FHIP2B: variants seen among roughly 807,000 people sequenced by gnomAD.
FHIP2B encodes the protein FHF complex subunit HOOK interacting protein 2B, also known as FHF complex subunit HOOK-interacting protein 2B.
A neutral mutation model predicts 84.0 loss-of-function variants in FHIP2B; 72 were observed. That is an observed-to-expected ratio of 0.86 (90% CI 0.71 to 1.04). The LOEUF (loss-of-function observed/expected upper bound fraction) is 1.04. FHIP2B is among the 50% of genes least tolerant of loss of function. FHIP2B has a pLI of 0.00. For missense variants in FHIP2B, 972 were observed against 968.9 expected (o/e 1.00, Z -0.04); for synonymous variants, 497 against 418.7 (o/e 1.19, Z -2.28).
intron 3 of FHIP2B, chr8:22,097,156 G>T: frequency 3.0e-6 from 1 of 332,486 alleles, no homozygotes; most frequent in Non-Finnish European, 5.7e-6. Flanking sequence ...AAAAGGGGTT[G>T]TGAGTGCCAG....
chr8:22,098,163 T>C lies in FHIP2B; in HGVS notation c.621T>C (p.Asp207=), dbSNP rs185486017. 7.4e-4 allele frequency: 1,167 copies of C among 1,575,320 alleles called. 6 individuals are homozygous for C. The Middle Eastern group carries it at 0.014, about 19-fold the overall frequency. ...ACGGGGACAAGGACTGCTCCCACGA[T>C]GGTGCTCCTGCCAGGCCCCAGCTGG... is the stretch of plus-strand genomic sequence containing the variant. The part of the protein sequence containing the change: ...TSHGDKDCSH[D]GAPARPQLDG... Residue 207 remains aspartate (D), a synonymous_variant, in exon 6 of 17, where the codon GAT becomes GAC. Coordinates refer to ENST00000289921, the MANE Select transcript of FHIP2B (RefSeq NM_022749.7).
chr8:22,100,726 T>C lies in FHIP2B; in HGVS notation c.1474T>C (p.Tyr492His), dbSNP rs1826060469. The change falls in exon 11 of 17, where the codon TAT becomes CAT. Residue 492 changes from tyrosine (Y) to histidine (H), a missense_variant. Physicochemically the swap from Tyr to His is moderately conservative, Grantham distance 83. Transcript: ENST00000289921. ...VAWGSPEPES[Y>H]EDTLDLEEDP... ...CTGGGGCTCACCAGAGCCTGAGAGC[T>C]ATGAGGACACCCTGTAAGTGAAACC... 1 of 1,604,286 alleles carries C rather than the reference T, an allele frequency of 6.2e-7. No individual in the cohort carries two copies. The highest frequency in any genetic ancestry group is 1.3e-5 in the African/African-American group (1 of 74,684).
chr8:22,104,564 G>A lies in FHIP2B; in HGVS notation c.*1633G>A, dbSNP rs2131734988. The stretch of plus-strand genomic sequence containing the variant: ...ATCTGCTGATCCTCAGCGCCTGCCA[G>A]GAGCCAGACTCTTGGCGGAGCAGTG... On this transcript the variant is annotated 3_prime_UTR_variant, in exon 17 of 17. Transcript: ENST00000289921. The A allele has an allele frequency of 6.6e-6, 1 of 152,336 alleles. No individual in the cohort carries two copies. The highest frequency in any genetic ancestry group is 1.9e-4 in the East Asian group (1 of 5,166). The allele number at this position is 152,336 out of a possible 1,614,324, so 9.4% of individuals were successfully genotyped here. A position where few individuals can be genotyped will look rare whatever the true frequency, so the allele number is the denominator to read the frequency against.
intron 1 of FHIP2B, among the ~76,000 whole-genome samples, chr8:22,092,109 C>T (rs1011212159): frequency 1.2e-4 from 18 of 152,070 alleles, no homozygotes; most frequent in Admixed American, 1.0e-3. Context: ...GGGTTGCAGC[C>T]CCTACCAACT....
At chr8:22,101,241 T>C (rs1292186561) in intron 12 of FHIP2B, 199 bp from the exon 13 acceptor site, 1 of 637,172 alleles carries the variant, frequency 1.6e-6, no homozygotes, top group African/African-American at 1.8e-5. Context: ...CAGGCAGGTC[T>C]CGAACTCCTG....
At position 22,102,319 on chromosome 8, in the gene FHIP2B, AG is replaced by A. The variant is rs1451678633; in HGVS notation, c.1992+6del. 15 of 1,601,908 alleles carry A rather than the reference AG, an allele frequency of 9.4e-6. No homozygotes were observed. The highest frequency in any genetic ancestry group is 1.1e-5 in the Non-Finnish European group (13 of 1,174,016). On this transcript the variant is annotated splice_donor_5th_base_variant and intron_variant, in intron 15 of 16. Transcript: ENST00000289921. ...CCTATTCTCCGTGTTGGTGAGGGTG[AG>A]GACGCCTCGGCCCAAGGGAGTGTGC...
chr8:22,093,093 G>A (rs1825579797), intron 1 of FHIP2B, among the ~76,000 whole-genome samples: 1 of 152,146 alleles, frequency 6.6e-6, no homozygotes, highest in Admixed American at 6.5e-5. Context: ...GGTCAGAGAG[G>A]TGTGGGCAGG....
At chr8:22,097,367 G>C (rs1825828852) in intron 3 of FHIP2B, 149 bp from the exon 4 acceptor site, 1 of 588,510 alleles carries the variant, frequency 1.7e-6, no homozygotes, top group South Asian at 2.0e-5. Flanking sequence ...GCTCTGACAG[G>C]CGCTCTGTCC....
chr8:22,094,248 G>C (rs920906886), intron 1 of FHIP2B, among the ~76,000 whole-genome samples, 192 bp from the exon 2 acceptor site: 1 of 152,158 alleles, frequency 6.6e-6, no homozygotes, highest in African/African-American at 2.4e-5. Flanking sequence ...GTGCCTGTCA[G>C]GAGATCCTTG....
intron 1 of FHIP2B, 126 bp from the exon 2 acceptor site, chr8:22,094,314 G>T: frequency 1.2e-6 from 1 of 812,508 alleles, no homozygotes. Context: ...TGAAAGCCAG[G>T]GAGCAGGGTG....
Position 22,097,587 on chromosome 8 carries a change from GC to G in FHIP2B, c.370del (p.Leu124CysfsTer57). ...KVLAQVQHPL[L>X]HYLSVHRPVQ... Reference sequence around the variant, plus strand: ...TTCTGGCGCAGGTGCAGCACCCCCTGCTGCATTACCTCAGCGTCCACAGGCC... The same window carrying G: ...TTCTGGCGCAGGTGCAGCACCCCCTGTGCATTACCTCAGCGTCCACAGGCC... On this transcript the variant is annotated frameshift_variant, in exon 4 of 17. Coordinates refer to ENST00000289921, the MANE Select transcript of FHIP2B (RefSeq NM_022749.7). LOFTEE classifies it high-confidence loss of function. The G allele has an allele frequency of 6.2e-7, 1 of 1,609,314 alleles. No individual in the cohort carries two copies. Among genetic ancestry groups the G allele is most frequent in the Non-Finnish European group, 8.5e-7 (1 of 1,178,166 alleles).
chr8:22,101,424 G>T lies in FHIP2B; in HGVS notation c.1617-16G>T. ...GGTGAGCCGGGAGCGCCTCCACACCGGCTTCTATCTCTCAGTTTCCTGTGC... is the reference window on the plus strand; with the variant it reads ...GGTGAGCCGGGAGCGCCTCCACACCTGCTTCTATCTCTCAGTTTCCTGTGC... On this transcript the variant is annotated splice_polypyrimidine_tract_variant and intron_variant, in intron 12 of 16. Coordinates refer to ENST00000289921, the MANE Select transcript of FHIP2B (RefSeq NM_022749.7). The T allele has an allele frequency of 6.3e-7, 1 of 1,596,294 alleles. No individual in the cohort carries two copies. The highest frequency in any genetic ancestry group is 1.1e-5 in the South Asian group (1 of 88,480).
chr8:22,089,330 G>C lies in FHIP2B; in HGVS notation c.45+32G>C, dbSNP rs1825336754. On this transcript the variant is annotated intron_variant, in intron 1 of 16. Coordinates refer to ENST00000289921, the MANE Select transcript of FHIP2B (RefSeq NM_022749.7). ...CCGGCAGGGCCGGGCCGGGCCGCCG[G>C]GAGTCGCGGGCCTAGGCCGGGCTGG... is the stretch of plus-strand genomic sequence containing the variant. The C allele has an allele frequency of 8.0e-6, 8 of 994,482 alleles. No individual in the cohort carries two copies. In the South Asian group the frequency reaches 2.7e-4, roughly 34 times the overall value. The allele number at this position is 994,482 out of a possible 1,614,324, so 61.6% of individuals were successfully genotyped here.
chr8:22,104,301 T>G lies in FHIP2B; in HGVS notation c.*1370T>G, dbSNP rs966980169. 1 of 151,746 alleles carries G rather than the reference T, an allele frequency of 6.6e-6. No individual in the cohort carries two copies. The highest frequency in any genetic ancestry group is 1.5e-5 in the Non-Finnish European group (1 of 68,014). 9.4% of individuals were successfully genotyped at this position (151,746 alleles called of 1,614,324 possible). On this transcript the variant is annotated 3_prime_UTR_variant, in exon 17 of 17. Coordinates refer to ENST00000289921, the MANE Select transcript of FHIP2B (RefSeq NM_022749.7). ...TCGAGGGTTTGGGAGTCACAGACCC[T>G]CCCCTCTCCTCAGTGCACTTTGGCA...
Position 22,089,647 on chromosome 8 carries a change from C to T in FHIP2B, c.45+349C>T, listed in dbSNP as rs1586304975. On this transcript the variant is annotated intron_variant, in intron 1 of 16. Coordinates refer to ENST00000289921, the MANE Select transcript of FHIP2B (RefSeq NM_022749.7). ...TGGGGTGTTTCCTGCCCCCCGGGGC[C>T]CTAGGCCGCCTCCCCCCAGTCCCGG... is the stretch of plus-strand genomic sequence containing the variant. 3 of 598,334 alleles carry T rather than the reference C, an allele frequency of 5.0e-6. No homozygotes were observed. The East Asian group carries it at 2.3e-4, about 46-fold the overall frequency. The allele number at this position is 598,334 out of a possible 1,614,324, so 37.1% of individuals were successfully genotyped here.
chr8:22,098,708 C>T (rs562977153), intron 7 of FHIP2B, 89 bp downstream of exon 7: 23 of 1,346,192 alleles, frequency 1.7e-5, no homozygotes, highest in East Asian at 5.1e-5. Flanking sequence ...TGGGGTTCCA[C>T]GTTGCTAGGG....
rs745708606 is a variant in FHIP2B at position 22,102,295 on chromosome 8, C to G, written c.1972C>G (p.Leu658Val). The G allele has an allele frequency of 1.2e-6, 2 of 1,612,538 alleles. No homozygotes were observed. Among genetic ancestry groups the G allele is most frequent in the African/African-American group, 1.3e-5 (1 of 74,848 alleles). ...YISLAPGCRS[L>V]FSVLVRVIGD... Reference sequence around the variant, plus strand: ...CAGCCTGGCCCCCGGCTGCAGGAGCCTATTCTCCGTGTTGGTGAGGGTGAG... The same window carrying G: ...CAGCCTGGCCCCCGGCTGCAGGAGCGTATTCTCCGTGTTGGTGAGGGTGAG... Residue 658 changes from leucine to valine, a missense_variant, in exon 15 of 17, where the codon CTA (leucine) becomes GTA (valine). Transcript: ENST00000289921.
chr8:22,096,597 G>A (rs758022936), intron 3 of FHIP2B, 88 bp downstream of exon 3: 1 of 1,406,406 alleles, frequency 7.1e-7, no homozygotes, highest in Non-Finnish European at 9.3e-7. Flanking sequence ...TCTGTGCGCT[G>A]GGCCAGGCCG....
chr8:22,093,557 A>C (rs918166666), intron 1 of FHIP2B, among the ~76,000 whole-genome samples: 48 of 152,246 alleles, frequency 3.2e-4, no homozygotes, highest in Non-Finnish European at 8.8e-5. Flanking sequence ...CAGGCTTTGG[A>C]CACAAGATGA....
Sources: gnomAD v4.1 joint callset for allele counts (sites outside exome capture counted in the v4.1 genomes callset) on GRCh38, gnomAD v4.1.1 for gene constraint, MANE v1.5 for transcripts, NCBI Gene and HGNC (gene_info 2026-07-23, HGNC 2026-07-21) for gene names.